Variants in M1AP observed in about 807,000 individuals in gnomAD.
The protein encoded by M1AP is meiosis 1 associated protein.
M1AP carries 39 observed loss-of-function variants against 51.2 expected under a neutral mutation model. The ratio of observed to expected loss-of-function variants is 0.76; its 90% CI spans 0.59 to 1.00. M1AP has a LOEUF of 1.00. Ranked by LOEUF, M1AP falls within the 50% of genes least tolerant of loss-of-function variation. The pLI is 0.00. For missense variants in M1AP, 545 were observed against 641.2 expected (o/e 0.85, Z 1.62); for synonymous variants, 251 against 249.2 (o/e 1.01, Z -0.07).
At chr2:74,628,154 G>A (rs1167325731) in intron 2 of M1AP, among the ~76,000 whole-genome samples, 1 of 152,122 alleles carries the variant, frequency 6.6e-6, no homozygotes, top group Non-Finnish European at 1.5e-5. Context: ...TGCTGGAAAG[G>A]AAATAAAAAC....
intron 7 of M1AP, among the ~76,000 whole-genome samples, chr2:74,563,618 A>C (rs1458390664): frequency 4.0e-5 from 6 of 151,564 alleles, no homozygotes; most frequent in African/African-American, 7.3e-5. Flanking sequence ...AAAAAAAAAA[A>C]AAAAAAAAAC....
At position 74,569,572 on chromosome 2, in the gene M1AP, G is replaced by A. The variant is rs181311735; in HGVS notation, c.1074+5866C>T. Reference sequence around the variant, plus strand: ...GTATTTTTAGTAGAGATGAGGTTTCGCCATGTTGGCCAGGCTGGTCTTGAA... The same window carrying A: ...GTATTTTTAGTAGAGATGAGGTTTCACCATGTTGGCCAGGCTGGTCTTGAA... On this transcript the variant is annotated intron_variant, in intron 7 of 10. Transcript: ENST00000421985. Among the ~76,000 whole-genome samples, 516 of 151,776 alleles carry A rather than the reference G, an allele frequency of 3.4e-3. 2 individuals carry two copies. The highest frequency in any genetic ancestry group is 0.012 in the African/African-American group (498 of 41,376).
chr2:74,620,808 A>G (rs528756784), intron 2 of M1AP: 5 of 194,944 alleles, frequency 2.6e-5, no homozygotes, highest in Non-Finnish European at 4.5e-5. Flanking sequence ...ATTCTTGCCT[A>G]TGCCAGCTCA....
chr2:74,560,472 G>C (rs769782198), intron 8 of M1AP, among the ~76,000 whole-genome samples, 181 bp from the exon 9 acceptor site: 2 of 152,178 alleles, frequency 1.3e-5, no homozygotes, highest in African/African-American at 4.8e-5. Context: ...TGCTTGTGAT[G>C]TAAGGGCCAG....
At chr2:74,585,649 G>A (rs1367035407) in intron 4 of M1AP, among the ~76,000 whole-genome samples, 1 of 152,230 alleles carries the variant, frequency 6.6e-6, no homozygotes, top group African/African-American at 2.4e-5. Context: ...AATCTCCACA[G>A]AGGTGCTGTG....
intron 3 of M1AP, among the ~76,000 whole-genome samples, chr2:74,611,707 C>T (rs1681354557): frequency 1.3e-5 from 2 of 151,456 alleles, no homozygotes; most frequent in Admixed American, 1.3e-4. Context: ...TGGCGCATGC[C>T]TGTAATCCCA....
intron 4 of M1AP, among the ~76,000 whole-genome samples, chr2:74,585,192 T>A (rs1273967945): frequency 1.3e-5 from 2 of 151,976 alleles, no homozygotes; most frequent in Non-Finnish European, 2.9e-5. Context: ...GGGGAGAGGG[T>A]TGGCCAGAAA....
intron 4 of M1AP, among the ~76,000 whole-genome samples, chr2:74,606,055 C>G (rs974504448): frequency 6.6e-6 from 1 of 152,086 alleles, no homozygotes; most frequent in Non-Finnish European, 1.5e-5. Context: ...TCTGCCCAGC[C>G]GGGGGAACAG....
chr2:74,587,300 G>A (rs1252687498), intron 4 of M1AP, among the ~76,000 whole-genome samples: 2 of 151,442 alleles, frequency 1.3e-5, no homozygotes, highest in East Asian at 2.0e-4. Flanking sequence ...CCGGGTTCAC[G>A]CCATTCTCCT....
At chr2:74,598,126 A>G (rs1680450702) in intron 4 of M1AP, among the ~76,000 whole-genome samples, 1 of 152,212 alleles carries the variant, frequency 6.6e-6, no homozygotes. Flanking sequence ...TCACACCTGT[A>G]ATCCCAGCAC....
At chr2:74,634,280 A>C (rs1470569281) in intron 2 of M1AP, among the ~76,000 whole-genome samples, 1 of 152,168 alleles carries the variant, frequency 6.6e-6, no homozygotes, top group African/African-American at 2.4e-5. Flanking sequence ...GGTGGTTACT[A>C]TAGAGGCAAT....
In M1AP at chr2:74,596,356, G is replaced by C. The variant is rs189458977; in HGVS notation, c.595+10699C>G. ...CCAGCACTTTGGGAGGCTGAGGTGGGTGGATCATGAGGTCAGGAGATAGAG... is the reference window on the plus strand; with the variant it reads ...CCAGCACTTTGGGAGGCTGAGGTGGCTGGATCATGAGGTCAGGAGATAGAG... On this transcript the variant is annotated intron_variant, in intron 4 of 10. Coordinates refer to ENST00000421985, the MANE Select transcript of M1AP (RefSeq NM_001321739.2). 1.6e-3 allele frequency among the ~76,000 whole-genome samples: 237 copies of C among 152,334 alleles called. 2 individuals are homozygous for C. Among genetic ancestry groups the C allele is most frequent in the African/African-American group, 5.4e-3 (225 of 41,576 alleles).
intron 2 of M1AP, among the ~76,000 whole-genome samples, chr2:74,637,668 A>G (rs1367950192): frequency 6.6e-6 from 1 of 152,182 alleles, no homozygotes; most frequent in Non-Finnish European, 1.5e-5. Flanking sequence ...ATGCCCTACT[A>G]CTGAGGCAAG....
intron 9 of M1AP, 96 bp downstream of exon 9, chr2:74,560,055 G>T: frequency 1.5e-6 from 2 of 1,334,000 alleles, no homozygotes; most frequent in Non-Finnish European, 2.1e-6. Context: ...TTGGATGGGG[G>T]CGGTGTTGGG....
chr2:74,571,280 G>C (rs556873291), intron 7 of M1AP, among the ~76,000 whole-genome samples: 12 of 152,284 alleles, frequency 7.9e-5, no homozygotes, highest in African/African-American at 2.9e-4. Flanking sequence ...AGGTGTAAAG[G>C]GTGAGATGGC....
At chr2:74,603,829 C>T (rs1215407518) in intron 4 of M1AP, among the ~76,000 whole-genome samples, 1 of 152,164 alleles carries the variant, frequency 6.6e-6, no homozygotes, top group African/African-American at 2.4e-5. Context: ...CCAACCCTCC[C>T]TCCTACCTAA....
chr2:74,584,146 A>T (rs1022959488), intron 4 of M1AP, among the ~76,000 whole-genome samples: 6 of 152,218 alleles, frequency 3.9e-5, no homozygotes, highest in Non-Finnish European at 4.4e-5. Flanking sequence ...AATATCTTTT[A>T]AAAAAATAAT....
intron 2 of M1AP, among the ~76,000 whole-genome samples, chr2:74,625,740 C>T (rs2104783643): frequency 6.6e-6 from 1 of 152,330 alleles, no homozygotes; most frequent in East Asian, 1.9e-4. Context: ...AATTCATAGT[C>T]TTTCAGTGAC....
At chr2:74,585,248 T>C (rs1201913303) in intron 4 of M1AP, among the ~76,000 whole-genome samples, 1 of 152,144 alleles carries the variant, frequency 6.6e-6, no homozygotes, top group Non-Finnish European at 1.5e-5. Flanking sequence ...GCAGTGCCCA[T>C]CTTAAGTGCA....
Sources: allele counts gnomAD v4.1 joint callset (sites outside exome capture counted in the v4.1 genomes callset), GRCh38; gene constraint gnomAD v4.1.1; transcripts MANE v1.5; gene names NCBI Gene and HGNC (gene_info 2026-07-23, HGNC 2026-07-21).